The following TTC7A variants were observed in gnomAD, a reference collection of about 807,000 sequenced individuals.
The protein encoded by TTC7A is tetratricopeptide repeat domain 7A.
A neutral mutation model predicts 103.7 loss-of-function variants in TTC7A; 110 were observed. The ratio of observed to expected loss-of-function variants is 1.06; its 90% CI spans 0.91 to 1.24. The LOEUF (loss-of-function observed/expected upper bound fraction) is 1.24, where lower values mean the gene tolerates loss of function less well. TTC7A is among the 50% of genes most tolerant of loss of function. The probability of loss-of-function intolerance (pLI) is 0.00; values close to 1 mark genes in which losing one functional copy is unlikely to be tolerated. For synonymous variants in TTC7A, 521 were observed against 467.9 expected (o/e 1.11, Z -1.47); for missense variants, 1,340 against 1,116.3 (o/e 1.20, Z -2.86).
chr2:46,922,567 A>G (rs1222885362), intron 2 of TTC7A, among the ~76,000 whole-genome samples: 1 of 152,202 alleles, frequency 6.6e-6, no homozygotes, highest in Non-Finnish European at 1.5e-5. Context: ...GGGCAAGGCC[A>G]AGATATACAG....
chr2:46,957,090 G>T, intron 3 of TTC7A, 83 bp downstream of exon 3: 1 of 1,562,768 alleles, frequency 6.4e-7, no homozygotes, highest in Non-Finnish European at 8.8e-7. Flanking sequence ...CTGGGCTCGT[G>T]TCCAGATTCT....
chr2:46,966,938 C>A (rs570006612), intron 3 of TTC7A, among the ~76,000 whole-genome samples: 5 of 149,216 alleles, frequency 3.4e-5, no homozygotes, highest in African/African-American at 4.9e-5. Flanking sequence ...GTTGGCCGGG[C>A]GCGGTGGCTC....
intron 14 of TTC7A, among the ~76,000 whole-genome samples, chr2:47,027,392 C>T (rs879805727): frequency 6.6e-6 from 1 of 152,254 alleles, no homozygotes; most frequent in Non-Finnish European, 1.5e-5. Context: ...CACACAAGAG[C>T]ACTTGGCCTG....
intron 12 of TTC7A, among the ~76,000 whole-genome samples, chr2:47,022,419 G>A (rs868177344): frequency 1.3e-5 from 2 of 152,228 alleles, no homozygotes; most frequent in Middle Eastern, 3.4e-3. Context: ...CCCTCAATAC[G>A]TGGCATAGGG....
At chr2:47,053,496 C>T (rs1683044620) in intron 18 of TTC7A, among the ~76,000 whole-genome samples, 1 of 151,658 alleles carries the variant, frequency 6.6e-6, no homozygotes. Flanking sequence ...GAATGATTTG[C>T]CTTGGTTTTG....
At chr2:47,023,487 G>C in intron 13 of TTC7A, 22 bp downstream of exon 13, 1 of 1,613,460 alleles carries the variant, frequency 6.2e-7, no homozygotes, top group Non-Finnish European at 8.5e-7. Context: ...CCCACCTGCA[G>C]CAGAGGCCCC....
chr2:47,032,052 T>G (rs1680599912), intron 15 of TTC7A, among the ~76,000 whole-genome samples: 1 of 152,178 alleles, frequency 6.6e-6, no homozygotes, highest in South Asian at 2.1e-4. Context: ...CACGTGCACT[T>G]TCCACCCTTC....
chr2:46,930,684 G>C (rs1669652136), intron 2 of TTC7A, among the ~76,000 whole-genome samples: 1 of 152,010 alleles, frequency 6.6e-6, no homozygotes, highest in South Asian at 2.1e-4. Context: ...ATTTCTAGTA[G>C]AGACAGGGTT....
Position 47,029,207 on chromosome 2 carries a change from GC to G in TTC7A, c.1642-16del. On this transcript the variant is annotated splice_polypyrimidine_tract_variant and intron_variant, in intron 14 of 19. Transcript: ENST00000319190. The stretch of plus-strand genomic sequence containing the variant: ...CATGTGCCTGGGGAAGGCTAACCTG[GC>G]GGGTTCCTTCAACAGATCTCCAGTG... 2 of 1,612,986 alleles carry G rather than the reference GC, an allele frequency of 1.2e-6. No homozygotes were observed. The highest frequency in any genetic ancestry group is 1.7e-6 in the Non-Finnish European group (2 of 1,179,716).
intron 5 of TTC7A, among the ~76,000 whole-genome samples, chr2:46,980,578 C>T (rs1674342120): frequency 6.6e-6 from 1 of 152,192 alleles, no homozygotes; most frequent in Admixed American, 6.5e-5. Context: ...CCGCGACTCA[C>T]AACCAGTTCT....
At chr2:46,933,841 A>T (rs1669831839) in intron 2 of TTC7A, among the ~76,000 whole-genome samples, 1 of 152,222 alleles carries the variant, frequency 6.6e-6, no homozygotes, top group African/African-American at 2.4e-5. Flanking sequence ...GTGTCATAAA[A>T]AAGTCAGAGC....
At chr2:47,016,697 G>C (rs934289469) in intron 11 of TTC7A, among the ~76,000 whole-genome samples, 1 of 152,258 alleles carries the variant, frequency 6.6e-6, no homozygotes, top group Admixed American at 6.5e-5. Flanking sequence ...AGAAGCAGCA[G>C]CCTGGACTAC....
chr2:46,990,345 G>A (rs1050636442), intron 5 of TTC7A, among the ~76,000 whole-genome samples: 1 of 152,136 alleles, frequency 6.6e-6, no homozygotes, highest in African/African-American at 2.4e-5. Context: ...CAGTGGAACC[G>A]AAGGAGCTTC....
intron 18 of TTC7A, among the ~76,000 whole-genome samples, chr2:47,055,670 G>C (rs901131310): frequency 6.6e-6 from 1 of 152,162 alleles, no homozygotes. Context: ...GGAGGTCCAA[G>C]GGCTCATGGG....
At chr2:46,979,544 T>C in intron 5 of TTC7A, among the ~76,000 whole-genome samples, 1 of 152,186 alleles carries the variant, frequency 6.6e-6, no homozygotes, top group East Asian at 1.9e-4. Flanking sequence ...ATGCCTTCCG[T>C]AGGCTTTTGC....
chr2:46,970,007 A>T (rs140260085), intron 3 of TTC7A, among the ~76,000 whole-genome samples: 1 of 152,034 alleles, frequency 6.6e-6, no homozygotes, highest in Non-Finnish European at 1.5e-5. Context: ...TTTTTTTTAA[A>T]TTGAAATGGG....
chr2:46,957,315 A>G (rs1671962186), intron 3 of TTC7A, among the ~76,000 whole-genome samples: 1 of 152,212 alleles, frequency 6.6e-6, no homozygotes, highest in Non-Finnish European at 1.5e-5. Flanking sequence ...ATACGGTTGT[A>G]ATACCTGACC....
intron 11 of TTC7A, among the ~76,000 whole-genome samples, chr2:47,019,632 A>G (rs78201922): frequency 0.047 from 7,185 of 152,254 alleles, 180 homozygotes; most frequent in Middle Eastern, 0.071. Flanking sequence ...CTTTTAATCT[A>G]GAATATGATG....
intron 19 of TTC7A, among the ~76,000 whole-genome samples, chr2:47,066,417 G>C (rs1326654905): frequency 6.6e-6 from 1 of 152,136 alleles, no homozygotes; most frequent in African/African-American, 2.4e-5. Flanking sequence ...GAGGGCCAGA[G>C]CTCTGCCCAT....
Sources: allele counts gnomAD v4.1 joint callset (sites outside exome capture counted in the v4.1 genomes callset), GRCh38; gene constraint gnomAD v4.1.1; transcripts MANE v1.5; gene names NCBI Gene and HGNC (gene_info 2026-07-23, HGNC 2026-07-21).